The following KCNT2 variants were observed in gnomAD, a reference collection of about 807,000 sequenced individuals.
KCNT2 encodes potassium sodium-activated channel subfamily T member 2.
Under a neutral mutation model 153.8 loss-of-function variants are expected in KCNT2, and 67 were observed. That is an observed-to-expected ratio of 0.44 (90% CI 0.36 to 0.53). KCNT2 has a LOEUF of 0.53. Ranked by LOEUF, KCNT2 falls within the 20% of genes least tolerant of loss-of-function variation. The pLI, the probability that KCNT2 is intolerant of heterozygous loss-of-function variation, is 0.00. For synonymous variants in KCNT2, 500 were observed against 458.8 expected (o/e 1.09, Z -1.15); for missense variants, 975 against 1,354.8 (o/e 0.72, Z 4.40).
At chr1:196,402,318 A>T (rs1220849128) in intron 12 of KCNT2, among the ~76,000 whole-genome samples, 1 of 151,632 alleles carries the variant, frequency 6.6e-6, no homozygotes, top group Non-Finnish European at 1.5e-5. Context: ...ATATAATCTG[A>T]ATAAAGCACA....
chr1:196,463,690 T>G (rs1417164602), intron 8 of KCNT2, among the ~76,000 whole-genome samples: 4 of 151,780 alleles, frequency 2.6e-5, no homozygotes, highest in African/African-American at 9.7e-5. Context: ...ATGAATACAT[T>G]ATATAGTGGA....
chr1:196,432,953 A>G (rs978122837), intron 8 of KCNT2, among the ~76,000 whole-genome samples: 13 of 152,088 alleles, frequency 8.5e-5, no homozygotes, highest in Non-Finnish European at 1.6e-4. Context: ...TCACACTGAC[A>G]CTTAAATCCC....
intron 13 of KCNT2, among the ~76,000 whole-genome samples, chr1:196,395,069 G>T (rs1252970389): frequency 6.6e-6 from 1 of 150,760 alleles, no homozygotes; most frequent in Non-Finnish European, 1.5e-5. Flanking sequence ...TTATGATATG[G>T]TTATTCTCTT....
chr1:196,558,958 A>G (rs1021364897), intron 1 of KCNT2, among the ~76,000 whole-genome samples: 8 of 151,520 alleles, frequency 5.3e-5, no homozygotes, highest in Non-Finnish European at 7.4e-5. Context: ...AAGTAATAGC[A>G]TAAGAGGCAC....
rs746612715 is a variant in KCNT2, at chr1:196,355,035, C to T, written c.1404-12807G>A. Among the ~76,000 whole-genome samples the T allele has an allele frequency of 1.4e-4, 21 of 151,568 alleles. 1 individual carries two copies. The highest frequency in any genetic ancestry group is 3.9e-4 in the African/African-American group (16 of 41,328). On this transcript the variant is annotated intron_variant, in intron 14 of 27. Coordinates refer to ENST00000294725, the MANE Select transcript of KCNT2 (RefSeq NM_198503.5). ...TCATTGGAAAGGTAAATATAATTTA[C>T]GGTACGGGGGTATGTGGGGTACACA...
chr1:196,450,282 A>G (rs947202544), intron 8 of KCNT2, among the ~76,000 whole-genome samples: 1 of 151,784 alleles, frequency 6.6e-6, no homozygotes, highest in Non-Finnish European at 1.5e-5. Context: ...CAGAGATTCC[A>G]CTTTGTCATT....
chr1:196,278,299 T>C (rs950108556), intron 25 of KCNT2, among the ~76,000 whole-genome samples: 1 of 152,168 alleles, frequency 6.6e-6, no homozygotes, highest in Non-Finnish European at 1.5e-5. Context: ...AAAAAGTGCT[T>C]GATGTTTCTA....
intron 8 of KCNT2, among the ~76,000 whole-genome samples, chr1:196,446,566 C>T (rs1174035452): frequency 6.6e-6 from 1 of 151,440 alleles, no homozygotes; most frequent in African/African-American, 2.4e-5. Flanking sequence ...TACAATAAAG[C>T]TTTTCATCAA....
intron 1 of KCNT2, among the ~76,000 whole-genome samples, chr1:196,530,825 A>G (rs1278363432): frequency 6.6e-6 from 1 of 152,124 alleles, no homozygotes; most frequent in East Asian, 1.9e-4. Flanking sequence ...CACTTTTTGA[A>G]TGCTATATAT....
At chr1:196,601,597 G>T (rs979592285) in intron 1 of KCNT2, among the ~76,000 whole-genome samples, 1 of 152,184 alleles carries the variant, frequency 6.6e-6, no homozygotes, top group Non-Finnish European at 1.5e-5. Context: ...TTTCTGTAGG[G>T]AGATGTTATT....
At chr1:196,309,801 C>G (rs1338449228) in intron 21 of KCNT2, among the ~76,000 whole-genome samples, 1 of 151,784 alleles carries the variant, frequency 6.6e-6, no homozygotes, top group Non-Finnish European at 1.5e-5. Context: ...GCATGTAGAA[C>G]ATTTTAGAAT....
At chr1:196,383,787 G>T (rs1669711164) in intron 13 of KCNT2, among the ~76,000 whole-genome samples, 1 of 152,154 alleles carries the variant, frequency 6.6e-6, no homozygotes, top group Non-Finnish European at 1.5e-5. Context: ...GCTATATAAA[G>T]TAGGAAAATG....
intron 8 of KCNT2, among the ~76,000 whole-genome samples, chr1:196,431,057 T>C (rs566423781): frequency 2.0e-5 from 3 of 152,266 alleles, no homozygotes; most frequent in Admixed American, 6.5e-5. Context: ...CTCTTTTTGC[T>C]CTTCTGCCTT....
At chr1:196,586,061 A>T (rs1192887923) in intron 1 of KCNT2, among the ~76,000 whole-genome samples, 3 of 152,024 alleles carry the variant, frequency 2.0e-5, no homozygotes, top group Admixed American at 2.0e-4. Flanking sequence ...GGAGTTTGAG[A>T]CCAGCCTGCG....
chr1:196,242,549 T>C (rs1446166857), intron 26 of KCNT2, among the ~76,000 whole-genome samples: 1 of 152,212 alleles, frequency 6.6e-6, no homozygotes, highest in African/African-American at 2.4e-5. Context: ...TCTCCTGCAG[T>C]ACTTTCATTT....
At chr1:196,473,941 AT>A (rs1678307866) in intron 5 of KCNT2, among the ~76,000 whole-genome samples, 9 of 152,240 alleles carry the variant, frequency 5.9e-5, no homozygotes, top group Admixed American at 5.2e-4. Flanking sequence ...TCTTATTTTC[AT>A]GAAGGAGATA....
At chr1:196,247,931 A>C (rs933216721) in intron 26 of KCNT2, among the ~76,000 whole-genome samples, 1 of 152,200 alleles carries the variant, frequency 6.6e-6, no homozygotes, top group Non-Finnish European at 1.5e-5. Flanking sequence ...TTATTTTAAA[A>C]ATGGTACTAT....
At chr1:196,508,260 A>G (rs891355702) in intron 1 of KCNT2, among the ~76,000 whole-genome samples, 1 of 150,830 alleles carries the variant, frequency 6.6e-6, no homozygotes, top group Admixed American at 6.6e-5. Flanking sequence ...CTCACAGTAT[A>G]TAGATTAAAT....
At chr1:196,581,704 AG>A (rs531772623) in intron 1 of KCNT2, among the ~76,000 whole-genome samples, 1 of 152,276 alleles carries the variant, frequency 6.6e-6, no homozygotes, top group South Asian at 2.1e-4. Context: ...TTCCAAAAAG[AG>A]AAAGAAATCC....
Sources: allele counts gnomAD v4.1 joint callset (sites outside exome capture counted in the v4.1 genomes callset), GRCh38; gene constraint gnomAD v4.1.1; transcripts MANE v1.5; gene names NCBI Gene and HGNC (gene_info 2026-07-23, HGNC 2026-07-21).